ABI3BP: variants seen among roughly 807,000 people sequenced by gnomAD.
ABI3BP encodes the protein ABI family member 3 binding protein, also known as target of Nesh-SH3.
A neutral mutation model predicts 268.6 loss-of-function variants in ABI3BP; 216 were observed. The observed-to-expected ratio is 0.80, with a 90% CI of 0.72 to 0.90. The LOEUF is 0.90. Ranked by LOEUF, ABI3BP falls within the 40% of genes least tolerant of loss-of-function variation. The pLI is 0.00. For missense variants in ABI3BP, 2,090 were observed against 2,182.4 expected (o/e 0.96, Z 0.84); for synonymous variants, 730 against 730.0 (o/e 1.00, Z 0.00).
chr3:100,953,435 G>C (rs907414619), intron 1 of ABI3BP, among the ~76,000 whole-genome samples: 6 of 152,166 alleles, frequency 3.9e-5, no homozygotes, highest in African/African-American at 1.4e-4. Context: ...TAAATAGCGT[G>C]TATGCAAAAA....
chr3:100,979,060 T>C (rs1313270922), intron 1 of ABI3BP, among the ~76,000 whole-genome samples: 2 of 152,152 alleles, frequency 1.3e-5, no homozygotes, highest in Non-Finnish European at 2.9e-5. Flanking sequence ...AAACGCAAAT[T>C]ATTCAAACCA....
intron 36 of ABI3BP, 96 bp downstream of exon 36, chr3:100,824,762 A>T (rs2098335559): frequency 2.9e-6 from 3 of 1,032,672 alleles, no homozygotes; most frequent in Non-Finnish European, 4.2e-6. Context: ...GCTTAGGGAG[A>T]ATAAGACCTG....
intron 62 of ABI3BP, among the ~76,000 whole-genome samples, chr3:100,769,719 CT>C (rs1251681983): frequency 6.6e-6 from 1 of 152,112 alleles, no homozygotes; most frequent in East Asian, 1.9e-4. Flanking sequence ...TTTGTAGTAC[CT>C]ATTAGCACAG....
In ABI3BP at chr3:100,849,281, C is replaced by T. The variant is rs1167972635; in HGVS notation, c.1502-406G>A. Among the ~76,000 whole-genome samples, 14 of 139,066 alleles carry T rather than the reference C, an allele frequency of 1.0e-4. No individual in the cohort carries two copies. In the East Asian group the frequency reaches 1.2e-3, roughly 12 times the overall value. The allele number at this position is 139,066 out of a possible 152,430, so 91.2% of individuals were successfully genotyped here. A position where few individuals can be genotyped will look rare whatever the true frequency, so the allele number is the denominator to read the frequency against. On this transcript the variant is annotated intron_variant, in intron 17 of 67. Coordinates refer to ENST00000471714, the MANE Select transcript of ABI3BP (RefSeq NM_001375547.2). ...TCACTCTGTCACCCAGGCTGGAGTG[C>T]GTGGCGCAACCTTGGCTCACTGTAA... is the stretch of plus-strand genomic sequence containing the variant.
chr3:100,848,804 G>T lies in ABI3BP; in HGVS notation c.1573C>A (p.Pro525Thr), dbSNP rs775810867. The T allele has an allele frequency of 1.1e-5, 17 of 1,611,050 alleles. No individual in the cohort carries two copies. In the South Asian group the frequency reaches 1.7e-4, roughly 16 times the overall value. Residue 525 changes from proline (P) to threonine (T), a missense_variant, in exon 18 of 68, where the codon CCT becomes ACT. By Grantham distance (38) the Pro-to-Thr change is conservative. Coordinates refer to ENST00000471714, the MANE Select transcript of ABI3BP (RefSeq NM_001375547.2). The part of the protein sequence containing the change: ...RPRPKPPRTK[P>T]ERTTSAGTIT... ...GTAAATATAAAGAGACATTTACCAGGTTTGGTTCTTGGCGGTTTGGGCCGG... is the reference window on the plus strand; with the variant it reads ...GTAAATATAAAGAGACATTTACCAGTTTTGGTTCTTGGCGGTTTGGGCCGG...
In ABI3BP at chr3:100,940,854, A is replaced by G. The variant is rs189539342; in HGVS notation, c.80-14373T>C. On this transcript the variant is annotated intron_variant, in intron 1 of 67. Transcript: ENST00000471714. ...TATGATATGATGAGTCAGGAATTTA[A>G]ATAAGAATATAGAGGAAAAGCAATT... Among the ~76,000 whole-genome samples the G allele has an allele frequency of 2.7e-4, 27 of 100,600 alleles. No homozygotes were observed. In the East Asian group the frequency reaches 7.0e-3, roughly 26 times the overall value. The allele number at this position is 100,600 out of a possible 152,430, so 66.0% of individuals were successfully genotyped here. A position where few individuals can be genotyped will look rare whatever the true frequency, so the allele number is the denominator to read the frequency against.
chr3:100,821,410 T>A (rs772838008), intron 38 of ABI3BP, among the ~76,000 whole-genome samples: 13 of 152,100 alleles, frequency 8.5e-5, no homozygotes, highest in Middle Eastern at 3.2e-3. Flanking sequence ...CTTAGCATGA[T>A]GAATTGAGTA....
At chr3:100,832,409 G>A in intron 30 of ABI3BP, 59 bp from the exon 31 acceptor site, 4 of 1,423,808 alleles carry the variant, frequency 2.8e-6, no homozygotes, top group Non-Finnish European at 3.8e-6. Flanking sequence ...CTGTGAATAG[G>A]ATGACATAGC....
At chr3:100,776,291 C>T (rs1366892438) in intron 59 of ABI3BP, among the ~76,000 whole-genome samples, 1 of 152,164 alleles carries the variant, frequency 6.6e-6, no homozygotes, top group Non-Finnish European at 1.5e-5. Context: ...TCAGAAGGGC[C>T]TCTGACCTGG....
intron 6 of ABI3BP, among the ~76,000 whole-genome samples, chr3:100,876,866 TA>T (rs1430424078): frequency 6.6e-6 from 1 of 151,478 alleles, no homozygotes; most frequent in Non-Finnish European, 1.5e-5. Flanking sequence ...TGGGCGCCTG[TA>T]ATCTCAGCTA....
At position 100,844,532 on chromosome 3, in the gene ABI3BP, A is replaced by G. The variant is rs575011132; in HGVS notation, c.1723+1840T>C. ...GAAGAGTGTGCGGAGAGGGCTGGGA[A>G]AGGCCTCAAAAAGCTTTGGGTGGTG... On this transcript the variant is annotated intron_variant, in intron 20 of 67. Coordinates refer to ENST00000471714, the MANE Select transcript of ABI3BP (RefSeq NM_001375547.2). The G allele has an allele frequency of 3.3e-4, 283 of 870,592 alleles. No individual in the cohort carries two copies. In the African/African-American group the frequency reaches 4.9e-3, roughly 15 times the overall value. The allele number at this position is 870,592 out of a possible 1,614,324, so 53.9% of individuals were successfully genotyped here. A position where few individuals can be genotyped will look rare whatever the true frequency, so the allele number is the denominator to read the frequency against.
intron 1 of ABI3BP, among the ~76,000 whole-genome samples, chr3:100,955,000 T>TTTC (rs1405142027): frequency 3.9e-4 from 42 of 108,194 alleles, no homozygotes; most frequent in East Asian, 1.0e-3. Context: ...TTTTTTTTTT[T>TTTC]ACGAATCATA....
chr3:100,909,182 G>C (rs1243073777), intron 2 of ABI3BP, among the ~76,000 whole-genome samples: 1 of 152,146 alleles, frequency 6.6e-6, no homozygotes, highest in Non-Finnish European at 1.5e-5. Context: ...TTAACAAATG[G>C]TGTTGGGAAA....
intron 9 of ABI3BP, among the ~76,000 whole-genome samples, chr3:100,874,291 T>C (rs952982025): frequency 6.6e-6 from 1 of 152,232 alleles, no homozygotes; most frequent in Non-Finnish European, 1.5e-5. Flanking sequence ...ATTTGGAGCC[T>C]AATTTGATAC....
In ABI3BP at chr3:100,918,155, T is replaced by C. The variant is rs2059210193; in HGVS notation, c.259+8147A>G. Among the ~76,000 whole-genome samples, 6 of 152,208 alleles carry C rather than the reference T, an allele frequency of 3.9e-5. 1 individual carries two copies. The South Asian group carries it at 1.2e-3, about 32-fold the overall frequency. Reference sequence around the variant, plus strand: ...AGTGGTAAATCTATTTCCAAAGAAATAACTAAGAATTAGATGACATTTTGA... The same window carrying C: ...AGTGGTAAATCTATTTCCAAAGAAACAACTAAGAATTAGATGACATTTTGA... On this transcript the variant is annotated intron_variant, in intron 2 of 67. Coordinates refer to ENST00000471714, the MANE Select transcript of ABI3BP (RefSeq NM_001375547.2).
chr3:100,937,240 T>C lies in ABI3BP; in HGVS notation c.80-10759A>G, dbSNP rs1373349090. On this transcript the variant is annotated intron_variant, in intron 1 of 67. Coordinates refer to ENST00000471714, the MANE Select transcript of ABI3BP (RefSeq NM_001375547.2). ...GTAGTACATCTGGAACCTTCATACATTTTGAGTGTAAATTTTAAATGGTCT... is the reference window on the plus strand; with the variant it reads ...GTAGTACATCTGGAACCTTCATACACTTTGAGTGTAAATTTTAAATGGTCT... Among the ~76,000 whole-genome samples the C allele has an allele frequency of 5.9e-5, 9 of 152,040 alleles. 1 individual carries two copies.
At chr3:100,830,433 T>A (rs1490131240) in intron 32 of ABI3BP, 145 bp downstream of exon 32, 2 of 570,886 alleles carry the variant, frequency 3.5e-6, no homozygotes, top group Non-Finnish European at 5.4e-6. Context: ...ATTGTTTTAA[T>A]ACTCTTATAC....
intron 20 of ABI3BP, among the ~76,000 whole-genome samples, chr3:100,844,841 C>G (rs1043583907): frequency 6.6e-6 from 1 of 152,106 alleles, no homozygotes; most frequent in Non-Finnish European, 1.5e-5. Flanking sequence ...AACACATTAG[C>G]CTCCAAGTAA....
chr3:100,895,907 G>A (rs995133776), intron 4 of ABI3BP, among the ~76,000 whole-genome samples: 4 of 152,006 alleles, frequency 2.6e-5, no homozygotes, highest in Admixed American at 2.0e-4. Flanking sequence ...CTTTTAAATC[G>A]GGGCTATTAT....
Sources: allele counts gnomAD v4.1 joint callset (sites outside exome capture counted in the v4.1 genomes callset), GRCh38; gene constraint gnomAD v4.1.1; transcripts MANE v1.5; gene names NCBI Gene and HGNC (gene_info 2026-07-23, HGNC 2026-07-21).